The following ITCH variants were observed in gnomAD, a reference collection of about 807,000 sequenced individuals.
ITCH encodes the protein itchy E3 ubiquitin protein ligase, also known as E3 ubiquitin-protein ligase Itchy homolog.
ITCH carries 28 observed loss-of-function variants against 126.8 expected under a neutral mutation model. That is an observed-to-expected ratio of 0.22 (90% CI 0.16 to 0.30). ITCH has a LOEUF of 0.30. Among genes scored for constraint, ITCH ranks in the 10% least tolerant of loss-of-function variants. ITCH has a pLI of 1.00. For synonymous variants in ITCH, 342 were observed against 340.0 expected, an observed-to-expected ratio of 1.01 and a Z score of -0.06; for missense variants, 631 against 1,032.4, an observed-to-expected ratio of 0.61 and a Z score of 5.33.
intron 2 of ITCH, among the ~76,000 whole-genome samples, chr20:34,392,877 C>T (rs1187665667): frequency 3.3e-5 from 5 of 152,042 alleles, no homozygotes; most frequent in Admixed American, 6.6e-5. Context: ...CCCCCCAGCC[C>T]GGGAGGCGCT....
intron 23 of ITCH, among the ~76,000 whole-genome samples, 168 bp downstream of exon 23, chr20:34,492,765 C>A (rs1600488864): frequency 6.6e-6 from 1 of 152,168 alleles, no homozygotes; most frequent in Non-Finnish European, 1.5e-5. Context: ...TTAGTACTTA[C>A]CTTTGTAGAA....
chr20:34,456,965 T>A (rs1986065932), intron 12 of ITCH, among the ~76,000 whole-genome samples: 1 of 151,962 alleles, frequency 6.6e-6, no homozygotes, highest in African/African-American at 2.4e-5. Context: ...CCATCTCATC[T>A]CTGCTACTTA....
intron 14 of ITCH, among the ~76,000 whole-genome samples, chr20:34,467,076 A>G (rs972789473): frequency 1.3e-5 from 2 of 152,240 alleles, no homozygotes; most frequent in African/African-American, 2.4e-5. Context: ...TGTATATTTT[A>G]TAGACATTAA....
At chr20:34,458,234 G>C (rs909554206) in intron 13 of ITCH, among the ~76,000 whole-genome samples, 4 of 152,130 alleles carry the variant, frequency 2.6e-5, no homozygotes, top group Non-Finnish European at 5.9e-5. Context: ...GCCATCAGTA[G>C]AAGTCAAAGG....
At chr20:34,389,013 G>T (rs543060789) in intron 2 of ITCH, among the ~76,000 whole-genome samples, 2 of 152,272 alleles carry the variant, frequency 1.3e-5, no homozygotes, top group South Asian at 4.1e-4. Flanking sequence ...CTTGGTATAT[G>T]TGGGGATTGC....
chr20:34,376,230 C>A (rs2037839594), intron 2 of ITCH, among the ~76,000 whole-genome samples: 1 of 151,954 alleles, frequency 6.6e-6, no homozygotes, highest in Non-Finnish European at 1.5e-5. Context: ...AAAGATTTAA[C>A]CAGCCTCGGC....
intron 14 of ITCH, among the ~76,000 whole-genome samples, chr20:34,463,619 T>A (rs1009909118): frequency 3.9e-5 from 6 of 152,094 alleles, no homozygotes; most frequent in African/African-American, 1.4e-4. Flanking sequence ...TTTTTTTTTC[T>A]TCATCATCAT....
At chr20:34,490,500 G>A (rs1448254876) in intron 22 of ITCH, among the ~76,000 whole-genome samples, 4 of 152,166 alleles carry the variant, frequency 2.6e-5, no homozygotes, top group Non-Finnish European at 2.9e-5. Context: ...GAAATTAGCC[G>A]GGCATGGTGG....
intron 16 of ITCH, chr20:34,476,340 C>T: frequency 7.7e-7 from 1 of 1,301,762 alleles, no homozygotes; most frequent in South Asian, 1.3e-5. Flanking sequence ...CCTCCGCGCT[C>T]CGGCCCGGTC....
intron 2 of ITCH, among the ~76,000 whole-genome samples, chr20:34,390,752 G>A (rs1334211174): frequency 1.3e-5 from 2 of 149,268 alleles, no homozygotes; most frequent in Non-Finnish European, 3.0e-5. Flanking sequence ...GCCCAGCCTA[G>A]ATTTAATCTT....
chr20:34,438,673 G>C, intron 8 of ITCH, 42 bp downstream of exon 8: 1 of 1,605,644 alleles, frequency 6.2e-7, no homozygotes, highest in Non-Finnish European at 8.5e-7. Context: ...ATAATGTCCT[G>C]GTTGGCAATT....
chr20:34,432,828 G>C (rs1435998514), intron 7 of ITCH, among the ~76,000 whole-genome samples: 2 of 152,040 alleles, frequency 1.3e-5, no homozygotes, highest in African/African-American at 4.8e-5. Context: ...ATGGTAGCCT[G>C]CACCTGTAGT....
At chr20:34,418,190 C>T (rs560728241) in intron 6 of ITCH, among the ~76,000 whole-genome samples, 1 of 151,996 alleles carries the variant, frequency 6.6e-6, no homozygotes, top group Non-Finnish European at 1.5e-5. Flanking sequence ...GTCTCAAACT[C>T]CTGAGCTCAG....
intron 23 of ITCH, among the ~76,000 whole-genome samples, chr20:34,503,869 G>GTTTTTTT (rs1491071174): frequency 8.7e-6 from 1 of 114,432 alleles, no homozygotes; most frequent in African/African-American, 3.5e-5. Flanking sequence ...TTTTTTTTTT[G>GTTTTTTT]GTTTTTTTTT....
intron 11 of ITCH, among the ~76,000 whole-genome samples, chr20:34,448,070 CAT>C (rs1429454472): frequency 6.6e-6 from 1 of 152,178 alleles, no homozygotes; most frequent in Non-Finnish European, 1.5e-5. Context: ...TTCTTTACCA[CAT>C]GTCATAATGA....
intron 20 of ITCH, among the ~76,000 whole-genome samples, chr20:34,488,586 G>A (rs751961004): frequency 5.3e-5 from 8 of 152,066 alleles, no homozygotes; most frequent in South Asian, 2.1e-4. Flanking sequence ...GGTGGCGCAC[G>A]CCTGTAATGC....
At chr20:34,453,017 T>C (rs1985445344) in intron 12 of ITCH, among the ~76,000 whole-genome samples, 2 of 152,332 alleles carry the variant, frequency 1.3e-5, no homozygotes, top group Admixed American at 1.3e-4. Context: ...AAGAAGTGTC[T>C]GTTTTTTACT....
At chr20:34,407,412 G>A (rs750941515) in intron 3 of ITCH, among the ~76,000 whole-genome samples, 8 of 152,002 alleles carry the variant, frequency 5.3e-5, no homozygotes, top group South Asian at 2.1e-4. Context: ...GATTACAGGC[G>A]CCTGCCACCA....
At chr20:34,408,078 A>G (rs993714309) in intron 3 of ITCH, among the ~76,000 whole-genome samples, 1 of 152,044 alleles carries the variant, frequency 6.6e-6, no homozygotes, top group African/African-American at 2.4e-5. Context: ...GGTGCAAGCC[A>G]CCCTGCCCAG....
Sources: gnomAD v4.1 joint callset for allele counts (sites outside exome capture counted in the v4.1 genomes callset) on GRCh38, gnomAD v4.1.1 for gene constraint, MANE v1.5 for transcripts, NCBI Gene and HGNC (gene_info 2026-07-23, HGNC 2026-07-21) for gene names.